The following MSANTD7 variants were observed in gnomAD, a reference collection of about 807,000 sequenced individuals.
MSANTD7 encodes Myb/SANT DNA binding domain containing 7, also known as zinc finger and SCAN domain containing 29.
At chr10:14,843,575 G>T in the MSANTD7 span, 1 of 1,550,648 alleles carries the variant, frequency 6.4e-7, no homozygotes, top group Non-Finnish European at 8.7e-7. Flanking sequence ...GTTTCTGGTG[G>T]GGATAGGCCC....
the MSANTD7 span, among the ~76,000 whole-genome samples, chr10:14,839,489 C>T: frequency 1.3e-4 from 19 of 151,460 alleles, no homozygotes; most frequent in South Asian, 6.3e-4. Flanking sequence ...GGCTTGAACC[C>T]GGGAGGCGGA....
At chr10:14,843,435 C>T in the MSANTD7 span, 1 of 1,550,838 alleles carries the variant, frequency 6.4e-7, no homozygotes, top group Non-Finnish European at 8.7e-7. Flanking sequence ...CAGTTGCTCC[C>T]TGTCAGAGCA....
At chr10:14,839,915 C>T in the MSANTD7 span, 1 of 1,612,586 alleles carries the variant, frequency 6.2e-7, no homozygotes, top group Non-Finnish European at 8.5e-7. Context: ...GATGGCCGGG[C>T]TGGTGTGGTT....
the MSANTD7 span, chr10:14,842,587 A>T: frequency 5.9e-6 from 9 of 1,536,162 alleles, no homozygotes; most frequent in Admixed American, 1.8e-4. The surrounding 1 kb of genome is among the most constrained non-coding windows in gnomAD (Gnocchi z 5.2). Flanking sequence ...AGCTTCTCCG[A>T]AATCAGATAG....
chr10:14,839,397 A>C, the MSANTD7 span, among the ~76,000 whole-genome samples: 4 of 152,144 alleles, frequency 2.6e-5, no homozygotes, highest in South Asian at 8.3e-4. Context: ...AACATGGTGA[A>C]ACCCCGCCTC....
the MSANTD7 span, chr10:14,844,238 T>C: frequency 1.8e-6 from 2 of 1,093,956 alleles, no homozygotes; most frequent in East Asian, 6.8e-5. Context: ...CCTGCCTACC[T>C]CACAGGGTTG....
chr10:14,844,146 A>G, the MSANTD7 span: 1 of 1,312,940 alleles, frequency 7.6e-7, no homozygotes. Context: ...GGTTCATCCT[A>G]GCTTTGTCAC....
the MSANTD7 span, chr10:14,838,403 A>G: frequency 6.2e-7 from 1 of 1,603,936 alleles, no homozygotes; most frequent in Non-Finnish European, 8.5e-7. Context: ...CTGCTGCCTC[A>G]TGGCGGCCAT....
chr10:14,844,376 A>G, the MSANTD7 span: 19 of 1,020,264 alleles, frequency 1.9e-5, no homozygotes, highest in Non-Finnish European at 2.0e-5. Flanking sequence ...ATACAGAAGT[A>G]TGGATATATA....
the MSANTD7 span, chr10:14,845,893 T>A: frequency 2.4e-5 from 11 of 464,688 alleles, no homozygotes; most frequent in East Asian, 1.7e-3. Flanking sequence ...ATCTCCGGAT[T>A]GAGGGATTTG....
the MSANTD7 span, chr10:14,842,379 G>A: frequency 5.9e-6 from 9 of 1,536,026 alleles, no homozygotes; most frequent in Non-Finnish European, 7.8e-6. This position sits in a 1 kb window ranked among gnomAD's most constrained non-coding sequence, Gnocchi z 5.2. Flanking sequence ...TATATTCAGC[G>A]CCTCCAGACT....
At chr10:14,839,632 A>G in the MSANTD7 span, among the ~76,000 whole-genome samples, 2 of 152,162 alleles carry the variant, frequency 1.3e-5, no homozygotes, top group Non-Finnish European at 2.9e-5. Context: ...AAGGTAACGT[A>G]ATAATAGCCT....
At chr10:14,842,590 T>G in the MSANTD7 span, 1 of 1,536,146 alleles carries the variant, frequency 6.5e-7, no homozygotes, top group Admixed American at 2.0e-5. The surrounding 1 kb of genome is among the most constrained non-coding windows in gnomAD (Gnocchi z 5.2). Context: ...TTCTCCGAAA[T>G]CAGATAGTGA....
At chr10:14,840,143 G>T in the MSANTD7 span, 1 of 1,454,144 alleles carries the variant, frequency 6.9e-7, no homozygotes, top group Non-Finnish European at 9.2e-7. Context: ...AAGTAAAGCA[G>T]ATCCTGGGCA....
the MSANTD7 span, chr10:14,839,998 C>A: frequency 6.3e-7 from 1 of 1,588,474 alleles, no homozygotes; most frequent in Non-Finnish European, 8.6e-7. Flanking sequence ...ACTAGTCCCC[C>A]CATTTTTGTA....
the MSANTD7 span, chr10:14,843,262 C>A: frequency 7.3e-7 from 1 of 1,366,948 alleles, no homozygotes; most frequent in Non-Finnish European, 1.0e-6. Context: ...TGGAAAGAGG[C>A]TTTCCAGGAA....
At chr10:14,842,892 C>G in the MSANTD7 span, 29 of 1,310,922 alleles carry the variant, frequency 2.2e-5, 1 homozygote, top group South Asian at 4.0e-4. This position sits in a 1 kb window ranked among gnomAD's most constrained non-coding sequence, Gnocchi z 5.2. Flanking sequence ...AGTCTTGTGG[C>G]TCTAAACATT....
the MSANTD7 span, chr10:14,844,012 A>G: frequency 1.4e-6 from 2 of 1,454,494 alleles, no homozygotes; most frequent in Non-Finnish European, 1.8e-6. Context: ...TGAACCATTT[A>G]TATCCAGATA....
the MSANTD7 span, chr10:14,844,346 A>G: frequency 9.7e-7 from 1 of 1,033,100 alleles, no homozygotes; most frequent in African/African-American, 1.7e-5. Context: ...TGGCTGAGGT[A>G]AGGCAGATTG....
Sources: allele counts gnomAD v4.1 joint callset (sites outside exome capture counted in the v4.1 genomes callset), GRCh38; gene constraint gnomAD v4.1.1; non-coding constraint Gnocchi (gnomAD v3.1); transcripts MANE v1.5; gene names NCBI Gene and HGNC (gene_info 2026-07-23, HGNC 2026-07-21).